UTP20: variants seen among roughly 807,000 people sequenced by gnomAD.
UTP20 encodes the protein small subunit processome component 20 homolog.
In UTP20, 164 loss-of-function variants were observed where a neutral mutation model predicts 329.5. The ratio of observed to expected loss-of-function variants is 0.50; its 90% CI spans 0.44 to 0.57. UTP20 has a LOEUF of 0.57. Ranked by LOEUF, UTP20 falls within the 20% of genes least tolerant of loss-of-function variation. UTP20 has a pLI of 0.00. For synonymous variants in UTP20, 1,151 were observed against 1,159.3 expected (o/e 0.99, Z 0.14); for missense variants, 3,055 against 3,284.2 (o/e 0.93, Z 1.71).
intron 17 of UTP20, 120 bp from the exon 18 acceptor site, chr12:101,308,065 C>A: frequency 1.2e-6 from 1 of 856,890 alleles, no homozygotes; most frequent in Non-Finnish European, 1.6e-6. Context: ...TTACTTATTT[C>A]ATTAAAAATA....
At chr12:101,285,511 T>C in intron 2 of UTP20, 59 bp from the exon 3 acceptor site, 1 of 1,522,710 alleles carries the variant, frequency 6.6e-7, no homozygotes, top group South Asian at 1.1e-5. Flanking sequence ...TTATTCTATT[T>C]ACCTTGATCA....
Position 101,338,827 on chromosome 12 carries a change from G to A in UTP20, c.3883G>A (p.Gly1295Arg), listed in dbSNP as rs1471379656. The A allele has an allele frequency of 1.9e-6, 3 of 1,607,888 alleles. No homozygotes were observed. Among genetic ancestry groups the A allele is most frequent in the African/African-American group, 1.3e-5 (1 of 74,538 alleles). Residue 1295 changes from glycine to arginine, a missense_variant, in exon 31 of 62, where the codon GGA becomes AGA. This residue lies in a region of UTP20 where 2,445 missense variants were observed against 2,575.5 expected (regional missense o/e 0.95). Coordinates refer to ENST00000261637, the MANE Select transcript of UTP20 (RefSeq NM_014503.3). The part of the protein sequence containing the change: ...AENIGESITI[G>R]GRLILPHVPA... ...ATCTATTTCAGAGTCTATCACAATAGGAGGAAGATTAATTCTACCTCATGT... is the reference window on the plus strand; with the variant it reads ...ATCTATTTCAGAGTCTATCACAATAAGAGGAAGATTAATTCTACCTCATGT...
At chr12:101,312,317 G>A in intron 21 of UTP20, 41 bp downstream of exon 21, 2 of 1,602,420 alleles carry the variant, frequency 1.2e-6, no homozygotes, top group Non-Finnish European at 1.7e-6. Flanking sequence ...GGTGGGGCAT[G>A]AAGAAGAGAA....
At chr12:101,282,327 T>G (rs1187727284) in intron 2 of UTP20, among the ~76,000 whole-genome samples, 1 of 152,180 alleles carries the variant, frequency 6.6e-6, no homozygotes, top group Non-Finnish European at 1.5e-5. Flanking sequence ...ATATAGGTTT[T>G]AGCATGGTAA....
chr12:101,323,903 C>A (rs915027092), intron 25 of UTP20, among the ~76,000 whole-genome samples: 12 of 152,184 alleles, frequency 7.9e-5, no homozygotes, highest in Middle Eastern at 6.8e-3. Context: ...CTTTGGGAGG[C>A]GGAGGTGGAT....
intron 17 of UTP20, among the ~76,000 whole-genome samples, chr12:101,307,006 T>C (rs1656911579): frequency 6.6e-6 from 1 of 151,892 alleles, no homozygotes; most frequent in African/African-American, 2.4e-5. Flanking sequence ...ACTCCGTCTC[T>C]ACCAAAAACA....
intron 57 of UTP20, among the ~76,000 whole-genome samples, chr12:101,380,878 A>C (rs1593457261): frequency 6.6e-6 from 1 of 151,510 alleles, no homozygotes; most frequent in Admixed American, 6.6e-5. Flanking sequence ...AAAAAAAAAA[A>C]AAAAAAAATG....
chr12:101,301,497 A>G (rs1872521902), intron 14 of UTP20, among the ~76,000 whole-genome samples: 1 of 152,228 alleles, frequency 6.6e-6, no homozygotes. Flanking sequence ...GGGAAACCCC[A>G]TCTCTACTAA....
chr12:101,307,756 G>A (rs1000736700), intron 17 of UTP20, among the ~76,000 whole-genome samples: 5 of 152,110 alleles, frequency 3.3e-5, no homozygotes, highest in South Asian at 2.1e-4. Context: ...TCTTGTTGAC[G>A]GATGGTTAGG....
Position 101,344,657 on chromosome 12 carries a change from A to C in UTP20, c.4512A>C (p.Leu1504=). 6.5e-7 allele frequency: 1 copy of C among 1,532,378 alleles called. No homozygotes were observed. The highest frequency in any genetic ancestry group is 9.0e-7 in the Non-Finnish European group (1 of 1,105,430). 94.9% of individuals were successfully genotyped at this position (1,532,378 alleles called of 1,614,324 possible). The part of the protein sequence containing the change: ...SMCLMSIIKK[L]AALNVTEKDY... ...GCCTGATGAGTATCATCAAAAAGCT[A>C]GCTGCCTTGAATGTCACAGAGAAAG... The change falls in exon 36 of 62, where the codon CTA becomes CTC. Residue 1504 remains leucine, a synonymous_variant. Coordinates refer to ENST00000261637, the MANE Select transcript of UTP20 (RefSeq NM_014503.3).
At position 101,352,213 on chromosome 12, in the gene UTP20, T is replaced by C; in HGVS notation, c.5024+19T>C. 1 of 1,592,202 alleles carries C rather than the reference T, an allele frequency of 6.3e-7. No homozygotes were observed. Among genetic ancestry groups the C allele is most frequent in the Non-Finnish European group, 8.5e-7 (1 of 1,174,164 alleles). On this transcript the variant is annotated intron_variant, in intron 39 of 61. Transcript: ENST00000261637. ...GTGTCAGGTGTGGTCAAACTTCTTA[T>C]TTTTGTTTTGTTTTTTAAATGTAAT...
Position 101,295,671 on chromosome 12 carries a change from T to G in UTP20, c.1430+13T>G. ...CGCAGATGGTGGGGTGAGTTCTAAC[T>G]TTTTATTCCTGTAATGATGATAAGT... On this transcript the variant is annotated intron_variant, in intron 12 of 61. Coordinates refer to ENST00000261637, the MANE Select transcript of UTP20 (RefSeq NM_014503.3). 1 of 1,583,182 alleles carries G rather than the reference T, an allele frequency of 6.3e-7. No homozygotes were observed. Among genetic ancestry groups the G allele is most frequent in the Middle Eastern group, 1.9e-4 (1 of 5,376 alleles).
intron 21 of UTP20, among the ~76,000 whole-genome samples, chr12:101,313,312 A>T (rs75951616): frequency 4.5e-4 from 69 of 152,322 alleles, no homozygotes; most frequent in African/African-American, 1.6e-3. Context: ...TGGTTCTAGC[A>T]GAATGATCCA....
chr12:101,337,012 T>C (rs1204382635), intron 29 of UTP20, among the ~76,000 whole-genome samples: 2 of 152,238 alleles, frequency 1.3e-5, no homozygotes, highest in African/African-American at 4.8e-5. Flanking sequence ...CAAAACAACA[T>C]AGTGGTTAAG....
chr12:101,330,006 AAAAG>A (rs1339272358), intron 27 of UTP20, among the ~76,000 whole-genome samples: 46 of 152,152 alleles, frequency 3.0e-4, no homozygotes, highest in Middle Eastern at 3.4e-3. Context: ...TAAAAAAAAA[AAAAG>A]AAAGAAAAAA....
chr12:101,291,953 G>GT lies in UTP20; in HGVS notation c.1039-11dup. 3 of 1,610,302 alleles carry GT rather than the reference G, an allele frequency of 1.9e-6. No homozygotes were observed. The highest frequency in any genetic ancestry group is 1.7e-6 in the Non-Finnish European group (2 of 1,178,496). On this transcript the variant is annotated splice_polypyrimidine_tract_variant and intron_variant, in intron 9 of 61. Coordinates refer to ENST00000261637, the MANE Select transcript of UTP20 (RefSeq NM_014503.3). ...AAAAGCTGATTGCTGAGTATGCATT[G>GT]TTTTTTCTTTTTGCAGGTGTTATCT...
At chr12:101,334,118 A>C (rs1399925534) in intron 28 of UTP20, among the ~76,000 whole-genome samples, 2 of 152,250 alleles carry the variant, frequency 1.3e-5, no homozygotes, top group African/African-American at 4.8e-5. Flanking sequence ...TATAGACTGA[A>C]GGAGAGATTT....
intron 35 of UTP20, among the ~76,000 whole-genome samples, chr12:101,343,530 A>T (rs1869218274): frequency 6.6e-6 from 1 of 151,774 alleles, no homozygotes; most frequent in African/African-American, 2.4e-5. Context: ...TTTTTTTTGG[A>T]GACAGGATCT....
intron 43 of UTP20, among the ~76,000 whole-genome samples, chr12:101,361,162 T>C (rs1322934654): frequency 2.0e-5 from 3 of 152,188 alleles, no homozygotes; most frequent in Non-Finnish European, 2.9e-5. Flanking sequence ...TTAATACATG[T>C]AAGGTATTAA....
Sources: allele counts gnomAD v4.1 joint callset (sites outside exome capture counted in the v4.1 genomes callset), GRCh38; gene constraint gnomAD v4.1.1; regional missense constraint gnomAD v4.1.1; transcripts MANE v1.5; gene names NCBI Gene and HGNC (gene_info 2026-07-23, HGNC 2026-07-21).